Variants in PRRX1 observed in about 807,000 individuals in gnomAD.
PRRX1 encodes the protein paired related homeobox 1.
A neutral mutation model predicts 24.0 loss-of-function variants in PRRX1; 8 were observed. The ratio of observed to expected loss-of-function variants is 0.33; its 90% CI spans 0.20 to 0.60. The LOEUF is 0.60. Among genes scored for constraint, PRRX1 ranks in the 20% least tolerant of loss-of-function variants. The probability of loss-of-function intolerance (pLI) is 0.82; values close to 1 mark genes in which losing one functional copy is unlikely to be tolerated. For synonymous variants in PRRX1, 160 were observed against 131.7 expected (o/e 1.22, Z -1.47); for missense variants, 281 against 322.4 (o/e 0.87, Z 0.98).
chr1:170,739,047 GA>G lies in PRRX1; in HGVS notation c.*2865del. On this transcript the variant is annotated 3_prime_UTR_variant, in exon 4 of 4. Transcript: ENST00000239461. ...AAATACAAGTTTGGTATGTGATTTG[GA>G]AAAGATGCCTTCTGGATCTTAAGCC... The G allele has an allele frequency of 4.6e-6, 1 of 218,538 alleles. No individual in the cohort carries two copies. The highest frequency in any genetic ancestry group is 6.8e-5 in the East Asian group (1 of 14,798). The allele number at this position is 218,538 out of a possible 1,614,324, so 13.5% of individuals were successfully genotyped here.
chr1:170,709,346 A>G (rs1237218009), intron 1 of PRRX1, among the ~76,000 whole-genome samples: 1 of 152,212 alleles, frequency 6.6e-6, no homozygotes, highest in East Asian at 1.9e-4. Flanking sequence ...ACAAGGTCAG[A>G]GAAAAGTATA....
intron 1 of PRRX1, among the ~76,000 whole-genome samples, chr1:170,672,687 T>C (rs1366940270): frequency 6.6e-6 from 1 of 152,352 alleles, no homozygotes; most frequent in Non-Finnish European, 1.5e-5. Flanking sequence ...AGCCAGGATA[T>C]GCTAAGTTCA....
intron 3 of PRRX1, chr1:170,727,015 C>T (rs546414101): frequency 6.6e-6 from 1 of 152,422 alleles, no homozygotes; most frequent in South Asian, 2.1e-4. Flanking sequence ...TCTTATAATG[C>T]CAAATGCCTT....
At chr1:170,676,996 T>C (rs912691096) in intron 1 of PRRX1, among the ~76,000 whole-genome samples, 3 of 152,236 alleles carry the variant, frequency 2.0e-5, no homozygotes, top group Admixed American at 6.5e-5. Flanking sequence ...AAGGGCTAAA[T>C]GCATGTGAGT....
At chr1:170,696,921 C>A (rs1654189467) in intron 1 of PRRX1, among the ~76,000 whole-genome samples, 1 of 152,120 alleles carries the variant, frequency 6.6e-6, no homozygotes, top group Non-Finnish European at 1.5e-5. Context: ...CTGCCTGGCA[C>A]ATTTTTTGAA....
At chr1:170,674,239 C>T (rs935680176) in intron 1 of PRRX1, among the ~76,000 whole-genome samples, 5 of 150,058 alleles carry the variant, frequency 3.3e-5, no homozygotes, top group East Asian at 1.9e-4. Flanking sequence ...TGCGCACGCA[C>T]GCACACACAC....
intron 1 of PRRX1, among the ~76,000 whole-genome samples, chr1:170,687,269 C>G (rs747174485): frequency 9.2e-5 from 14 of 152,132 alleles, no homozygotes; most frequent in Non-Finnish European, 1.6e-4. Flanking sequence ...CATTTACAGT[C>G]TGTTGAAAGC....
chr1:170,681,287 C>T (rs985131098), intron 1 of PRRX1, among the ~76,000 whole-genome samples: 2 of 152,106 alleles, frequency 1.3e-5, no homozygotes, highest in African/African-American at 4.8e-5. Flanking sequence ...TATTGACAAA[C>T]CAGAACTTGT....
chr1:170,669,762 A>C (rs552714866), intron 1 of PRRX1, among the ~76,000 whole-genome samples: 8 of 152,230 alleles, frequency 5.3e-5, no homozygotes, highest in Admixed American at 5.2e-4. Context: ...CTGTGCCTGC[A>C]TTGCGACCCC....
chr1:170,710,269 G>A (rs1340197402), intron 1 of PRRX1, among the ~76,000 whole-genome samples: 2 of 152,108 alleles, frequency 1.3e-5, no homozygotes, highest in African/African-American at 4.8e-5. Context: ...ATTATTGAAA[G>A]TTTTTTATTA....
At chr1:170,704,592 A>C (rs933096119) in intron 1 of PRRX1, among the ~76,000 whole-genome samples, 1 of 152,210 alleles carries the variant, frequency 6.6e-6, no homozygotes, top group African/African-American at 2.4e-5. Flanking sequence ...GAGAAGCAAG[A>C]TAGACTTTGG....
intron 2 of PRRX1, among the ~76,000 whole-genome samples, chr1:170,725,865 C>T (rs1280011887): frequency 6.6e-6 from 1 of 152,154 alleles, no homozygotes; most frequent in Non-Finnish European, 1.5e-5. Flanking sequence ...GTCATTATTT[C>T]TGTGGCAGAA....
At chr1:170,691,576 C>G (rs956412276) in intron 1 of PRRX1, among the ~76,000 whole-genome samples, 2 of 150,372 alleles carry the variant, frequency 1.3e-5, no homozygotes, top group African/African-American at 4.9e-5. Context: ...CCTCTCTTCC[C>G]CCACCTTTTT....
upstream of PRRX1, chr1:170,664,088 C>CCTCTCTCTTTCTCTCTCTCTCT: frequency 1.5e-6 from 1 of 661,376 alleles, no homozygotes; most frequent in Non-Finnish European, 2.2e-6. Flanking sequence ...CCTCTTCCTC[C>CCTCTCTCTTTCTCTCTCTCTCT]CTCTCTCTCT....
intron 2 of PRRX1, among the ~76,000 whole-genome samples, 162 bp from the exon 3 acceptor site, chr1:170,726,058 T>C (rs1415270807): frequency 1.3e-5 from 2 of 152,214 alleles, no homozygotes; most frequent in Non-Finnish European, 2.9e-5. Flanking sequence ...GGAAGGCGGA[T>C]GGCATGTTTC....
rs377107138 is a variant in PRRX1, at chr1:170,690,171, C to A, written c.241+25712C>A. 3.3e-3 allele frequency among the ~76,000 whole-genome samples: 496 copies of A among 151,894 alleles called. 3 individuals carry two copies. Among genetic ancestry groups the A allele is most frequent in the African/African-American group, 0.012 (476 of 41,388 alleles). ...TACTGAGCACCTATAATGTCCCACG[C>A]ACTGTAATAAGTATTAGAAATATTG... is the stretch of plus-strand genomic sequence containing the variant. On this transcript the variant is annotated intron_variant, in intron 1 of 3. Coordinates refer to ENST00000239461, the MANE Select transcript of PRRX1 (RefSeq NM_022716.4).
At chr1:170,701,630 C>T (rs1654363109) in intron 1 of PRRX1, among the ~76,000 whole-genome samples, 2 of 152,130 alleles carry the variant, frequency 1.3e-5, no homozygotes, top group South Asian at 4.1e-4. Context: ...AGATTTTATT[C>T]GAAAGGGTTA....
chr1:170,675,391 G>A (rs1022260397), intron 1 of PRRX1, among the ~76,000 whole-genome samples: 10 of 152,046 alleles, frequency 6.6e-5, no homozygotes, highest in Non-Finnish European at 1.5e-4. Flanking sequence ...AAAATTAGTC[G>A]GGGAAAAATT....
intron 2 of PRRX1, among the ~76,000 whole-genome samples, chr1:170,723,092 T>C (rs983682877): frequency 2.0e-5 from 3 of 152,148 alleles, no homozygotes; most frequent in Non-Finnish European, 4.4e-5. Context: ...AGCCAGTAGA[T>C]GATATAAAAC....
Sources: gnomAD v4.1 joint callset for allele counts (sites outside exome capture counted in the v4.1 genomes callset) on GRCh38, gnomAD v4.1.1 for gene constraint, MANE v1.5 for transcripts, NCBI Gene and HGNC (gene_info 2026-07-23, HGNC 2026-07-21) for gene names.